Variants in PDE4D observed in about 807,000 individuals in gnomAD.
PDE4D encodes 3',5'-cyclic-AMP phosphodiesterase 4D.
In PDE4D, 24 loss-of-function variants were observed where a neutral mutation model predicts 87.4. The observed-to-expected ratio is 0.27, with a 90% CI of 0.20 to 0.39. PDE4D has a LOEUF of 0.39. PDE4D is among the 10% of genes least tolerant of loss of function. The probability of loss-of-function intolerance (pLI) is 1.00; values close to 1 mark genes in which losing one functional copy is unlikely to be tolerated. For missense variants in PDE4D, 714 were observed against 1,041.0 expected (o/e 0.69, Z 4.32); for synonymous variants, 384 against 383.2 (o/e 1.00, Z -0.02).
chr5:59,682,309 C>G (rs1749158536), intron 1 of PDE4D, among the ~76,000 whole-genome samples: 1 of 152,092 alleles, frequency 6.6e-6, no homozygotes, highest in Admixed American at 6.6e-5. Flanking sequence ...CTGGTAGGCA[C>G]CACTTGAACT....
intron 2 of PDE4D, among the ~76,000 whole-genome samples, chr5:59,207,316 G>A (rs1749019039): frequency 6.6e-6 from 1 of 152,120 alleles, no homozygotes; most frequent in Admixed American, 6.5e-5. Context: ...GTACACTAGT[G>A]TACCTCTAGG....
At chr5:59,064,861 T>C (rs200315037) in intron 5 of PDE4D, among the ~76,000 whole-genome samples, 1 of 152,098 alleles carries the variant, frequency 6.6e-6, no homozygotes, top group East Asian at 1.9e-4. Context: ...ATCACTTCAG[T>C]TGTAGAAATG....
intron 2 of PDE4D, among the ~76,000 whole-genome samples, chr5:60,111,835 T>C (rs1188046142): frequency 6.6e-6 from 1 of 151,992 alleles, no homozygotes. Context: ...AATTATTAGT[T>C]TTGTTCTCAT....
At chr5:59,648,472 T>C (rs985387844) in intron 1 of PDE4D, among the ~76,000 whole-genome samples, 2 of 152,178 alleles carry the variant, frequency 1.3e-5, no homozygotes, top group Non-Finnish European at 2.9e-5. Context: ...CAAAATACTA[T>C]GAATGTGAGC....
At chr5:60,492,826 G>C (rs1353795811), upstream of PDE4D, among the ~76,000 whole-genome samples, 2 of 151,362 alleles carry the variant, frequency 1.3e-5, no homozygotes, top group Non-Finnish European at 2.9e-5. Context: ...AACCAACATG[G>C]CACATGTATG....
chr5:59,916,499 T>G (rs1391755158), intron 3 of PDE4D, among the ~76,000 whole-genome samples: 1 of 152,212 alleles, frequency 6.6e-6, no homozygotes, highest in Non-Finnish European at 1.5e-5. Context: ...CTGCACTTAT[T>G]AAAAGGTAAA....
chr5:60,152,151 G>C (rs1781562123), intron 2 of PDE4D, among the ~76,000 whole-genome samples: 1 of 152,018 alleles, frequency 6.6e-6, no homozygotes, highest in South Asian at 2.1e-4. Flanking sequence ...GTTGAATTCA[G>C]TTTTCTAGTG....
chr5:59,116,346 T>C (rs1431370705), intron 5 of PDE4D, among the ~76,000 whole-genome samples: 1 of 152,198 alleles, frequency 6.6e-6, no homozygotes, highest in Non-Finnish European at 1.5e-5. Flanking sequence ...ATGACGATGA[T>C]ACAAACGAAT....
At chr5:60,441,806 G>A (rs1279284747) in intron 1 of PDE4D, among the ~76,000 whole-genome samples, 3 of 152,100 alleles carry the variant, frequency 2.0e-5, no homozygotes, top group African/African-American at 7.2e-5. Context: ...CTCAAAAGAA[G>A]ACATTTATGC....
At chr5:60,460,559 CTTCA>C in intron 1 of PDE4D, 1 of 1,343,598 alleles carries the variant, frequency 7.4e-7, no homozygotes, top group East Asian at 2.3e-5. Flanking sequence ...TCACTGGCTT[CTTCA>C]TTAAGTCTGT....
intron 3 of PDE4D, among the ~76,000 whole-genome samples, chr5:59,974,109 G>T (rs192806063): frequency 6.6e-6 from 1 of 152,062 alleles, no homozygotes; most frequent in Non-Finnish European, 1.5e-5. Context: ...GTTTACAGAC[G>T]AATGTTTTCT....
intron 1 of PDE4D, among the ~76,000 whole-genome samples, chr5:60,244,032 T>C (rs533987432): frequency 6.6e-6 from 1 of 152,078 alleles, no homozygotes; most frequent in Admixed American, 6.6e-5. Flanking sequence ...TTGCAGATGA[T>C]ATGATCTCAT....
intron 1 of PDE4D, among the ~76,000 whole-genome samples, chr5:59,312,562 A>G (rs930812680): frequency 6.6e-6 from 1 of 152,202 alleles, no homozygotes; most frequent in Non-Finnish European, 1.5e-5. Context: ...GAAATCCTAT[A>G]GCCTTTCTGA....
Position 60,370,030 on chromosome 5 carries a change from T to G in PDE4D, c.-90+117912A>C, listed in dbSNP as rs75078278. 5.1e-4 allele frequency among the ~76,000 whole-genome samples: 77 copies of G among 152,230 alleles called. No individual in the cohort carries two copies. In the East Asian group the frequency reaches 0.014, roughly 28 times the overall value. On this transcript the variant is annotated intron_variant, in intron 1 of 16. Transcript: ENST00000502484. ...GTTTCATTTTTTTTCAATTAGTGCC[T>G]CTGTAAAGTCCTAAATTAGAGAACC...
At chr5:60,079,468 A>G (rs191748924) in intron 2 of PDE4D, among the ~76,000 whole-genome samples, 22 of 152,190 alleles carry the variant, frequency 1.4e-4, no homozygotes, top group African/African-American at 4.8e-4. Context: ...TGTCCTGAAT[A>G]GTATTGCCTA....
intron 1 of PDE4D, among the ~76,000 whole-genome samples, chr5:59,821,366 A>G (rs1052698161): frequency 6.6e-6 from 1 of 152,232 alleles, no homozygotes; most frequent in African/African-American, 2.4e-5. Flanking sequence ...GATGCCAAAA[A>G]AGGTAACTCC....
chr5:59,750,791 C>G (rs141834807), intron 1 of PDE4D, among the ~76,000 whole-genome samples: 1 of 151,878 alleles, frequency 6.6e-6, no homozygotes, highest in Non-Finnish European at 1.5e-5. Flanking sequence ...AAAAAGTTAT[C>G]TAGGCCTGGT....
intron 1 of PDE4D, among the ~76,000 whole-genome samples, chr5:60,261,249 G>A (rs1005995639): frequency 6.6e-6 from 1 of 152,108 alleles, no homozygotes; most frequent in Non-Finnish European, 1.5e-5. Flanking sequence ...TGTTTGGATG[G>A]TAATCACTGA....
At chr5:59,540,878 TGAG>T (rs1471827488) in intron 1 of PDE4D, among the ~76,000 whole-genome samples, 2 of 152,202 alleles carry the variant, frequency 1.3e-5, no homozygotes, top group African/African-American at 4.8e-5. Flanking sequence ...GTCATTGTGC[TGAG>T]AAGAGCAAGT....
Sources: allele counts gnomAD v4.1 joint callset (sites outside exome capture counted in the v4.1 genomes callset), GRCh38; gene constraint gnomAD v4.1.1; transcripts MANE v1.5; gene names NCBI Gene and HGNC (gene_info 2026-07-23, HGNC 2026-07-21).